Variants in TRDN observed in about 807,000 individuals in gnomAD.
The protein encoded by TRDN is triadin in skeletal muscle.
TRDN carries 161 observed loss-of-function variants against 149.7 expected under a neutral mutation model. The observed-to-expected ratio is 1.08, with a 90% CI of 0.95 to 1.23. TRDN has a LOEUF of 1.23. Ranked by LOEUF, TRDN falls within the 50% of genes most tolerant of loss-of-function variation. TRDN has a pLI of 0.00. For synonymous variants in TRDN, 294 were observed against 250.5 expected, an observed-to-expected ratio of 1.17 and a Z score of -1.64; for missense variants, 896 against 823.5, an observed-to-expected ratio of 1.09 and a Z score of -1.08.
intron 24 of TRDN, among the ~76,000 whole-genome samples, chr6:123,306,953 T>C (rs1270475745): frequency 1.3e-5 from 2 of 152,156 alleles, no homozygotes; most frequent in African/African-American, 4.8e-5. Context: ...ATAATTGTTA[T>C]ACTGTTGCTC....
intron 8 of TRDN, among the ~76,000 whole-genome samples, chr6:123,498,926 C>T (rs1778563437): frequency 6.6e-6 from 1 of 152,046 alleles, no homozygotes; most frequent in Admixed American, 6.6e-5. Context: ...GCAACTTAAA[C>T]ACGAGAAAGA....
chr6:123,353,004 A>G (rs1377531384), intron 20 of TRDN, among the ~76,000 whole-genome samples: 1 of 151,914 alleles, frequency 6.6e-6, no homozygotes, highest in Non-Finnish European at 1.5e-5. Context: ...TAGTGTAGTC[A>G]TGCCTGAGAT....
intron 14 of TRDN, among the ~76,000 whole-genome samples, chr6:123,388,249 A>G (rs886202490): frequency 6.6e-6 from 1 of 152,166 alleles, no homozygotes; most frequent in Non-Finnish European, 1.5e-5. Context: ...CTGAAATTTG[A>G]TAAAACTGTC....
intron 6 of TRDN, among the ~76,000 whole-genome samples, chr6:123,513,307 A>G (rs1016952605): frequency 3.7e-4 from 57 of 152,342 alleles, no homozygotes; most frequent in African/African-American, 1.3e-3. Context: ...CATATCTCCT[A>G]AAAAGCAAAC....
intron 10 of TRDN, among the ~76,000 whole-genome samples, chr6:123,448,269 TGCAGAC>T (rs1775521273): frequency 6.6e-6 from 1 of 152,142 alleles, no homozygotes; most frequent in Non-Finnish European, 1.5e-5. Context: ...AAATCTGGTG[TGCAGAC>T]TCCACAGGCA....
intron 8 of TRDN, chr6:123,503,156 G>A (rs1401862176): frequency 2.0e-6 from 2 of 985,034 alleles, no homozygotes; most frequent in African/African-American, 3.5e-5. Flanking sequence ...TTTAGTCAAT[G>A]GAAACTGAAA....
intron 5 of TRDN, chr6:123,529,014 C>T (rs1780084238): frequency 1.4e-5 from 18 of 1,329,816 alleles, no homozygotes; most frequent in Non-Finnish European, 1.7e-5. Context: ...GGAAGACTTG[C>T]TAGTTTAATA....
chr6:123,471,705 A>C (rs1777160611), intron 9 of TRDN: 1 of 152,214 alleles, frequency 6.6e-6, no homozygotes, highest in Non-Finnish European at 1.5e-5. Context: ...GAAAGCAAGA[A>C]TAGCAGCCAA....
intron 24 of TRDN, among the ~76,000 whole-genome samples, chr6:123,312,606 A>C (rs1015572304): frequency 6.6e-6 from 1 of 151,990 alleles, no homozygotes; most frequent in Non-Finnish European, 1.5e-5. Flanking sequence ...CAAAAGTTAC[A>C]TCTGGATTTT....
chr6:123,392,650 T>C (rs1029283633), intron 13 of TRDN, among the ~76,000 whole-genome samples: 1 of 152,072 alleles, frequency 6.6e-6, no homozygotes, highest in African/African-American at 2.4e-5. Context: ...ATGTGAAAAC[T>C]AAAAACTGGT....
intron 9 of TRDN, among the ~76,000 whole-genome samples, chr6:123,467,484 G>A (rs1340210686): frequency 6.6e-6 from 1 of 151,968 alleles, no homozygotes; most frequent in Non-Finnish European, 1.5e-5. Flanking sequence ...ATGGTTGTAA[G>A]GCAGTGGACA....
chr6:123,287,986 G>A (rs964158100), intron 24 of TRDN, among the ~76,000 whole-genome samples: 1 of 151,214 alleles, frequency 6.6e-6, no homozygotes, highest in Middle Eastern at 3.4e-3. Flanking sequence ...TTCTTTAATT[G>A]CATTAAAAGC....
intron 19 of TRDN, among the ~76,000 whole-genome samples, chr6:123,371,998 G>A (rs1248191262): frequency 1.3e-5 from 2 of 152,028 alleles, no homozygotes; most frequent in Non-Finnish European, 2.9e-5. Flanking sequence ...GGACAATATA[G>A]TACACCAAGA....
chr6:123,559,036 C>T (rs1781831782), intron 2 of TRDN, among the ~76,000 whole-genome samples: 2 of 152,224 alleles, frequency 1.3e-5, no homozygotes, highest in Admixed American at 1.3e-4. Flanking sequence ...ACTCCCAGAG[C>T]CCCTGGAACT....
chr6:123,514,980 A>G (rs1779352462), intron 6 of TRDN, among the ~76,000 whole-genome samples: 1 of 152,052 alleles, frequency 6.6e-6, no homozygotes, highest in African/African-American at 2.4e-5. Context: ...TAATGCACGC[A>G]AGGCTTAAAA....
chr6:123,223,630 C>T (rs974194471), intron 39 of TRDN, among the ~76,000 whole-genome samples: 3 of 151,434 alleles, frequency 2.0e-5, no homozygotes, highest in South Asian at 4.2e-4. Context: ...TGTCCTCTGG[C>T]TTGGGCTGGA....
intron 21 of TRDN, 190 bp downstream of exon 21, chr6:123,352,349 T>C: frequency 1.0e-6 from 1 of 985,134 alleles, no homozygotes; most frequent in Non-Finnish European, 1.2e-6. Context: ...AAAGTTCAGT[T>C]ACACAAAAGA....
At chr6:123,271,628 C>T (rs1777209379) in intron 29 of TRDN, among the ~76,000 whole-genome samples, 1 of 151,976 alleles carries the variant, frequency 6.6e-6, no homozygotes, top group African/African-American at 2.4e-5. Context: ...CAGTGTGAAG[C>T]TGGGGAAGAA....
At chr6:123,548,635 AAAAAG>A (rs1397111332) in intron 2 of TRDN, 23 bp from the exon 3 acceptor site, 2 of 1,347,972 alleles carry the variant, frequency 1.5e-6, no homozygotes, top group Non-Finnish European at 1.9e-6. Context: ...AAAAAAAAAA[AAAAAG>A]AAAAAGTTTG....
Sources: allele counts gnomAD v4.1 joint callset (sites outside exome capture counted in the v4.1 genomes callset), GRCh38; gene constraint gnomAD v4.1.1; transcripts MANE v1.5; gene names NCBI Gene and HGNC (gene_info 2026-07-23, HGNC 2026-07-21).